Variants in WAPL observed in about 807,000 individuals in gnomAD.
The protein encoded by WAPL is WAPL cohesin release factor.
Under a neutral mutation model 121.0 loss-of-function variants are expected in WAPL, and 5 were observed. That is an observed-to-expected ratio of 0.04 (90% CI 0.02 to 0.09). The LOEUF is 0.09. Among genes scored for constraint, WAPL ranks in the 10% least tolerant of loss-of-function variants. The pLI is 1.00. For missense variants in WAPL, 999 were observed against 1,410.8 expected (o/e 0.71, Z 4.68); for synonymous variants, 480 against 481.5 (o/e 1.00, Z 0.04).
At chr10:86,478,698 G>C (rs182365175) in intron 4 of WAPL, among the ~76,000 whole-genome samples, 302 of 152,238 alleles carry the variant, frequency 2.0e-3, no homozygotes, top group African/African-American at 5.8e-3. Flanking sequence ...TTCTTCATGA[G>C]AGATAATATA....
chr10:86,467,545 T>G lies in WAPL; in HGVS notation c.2143-39A>C, dbSNP rs753159792. On this transcript the variant is annotated intron_variant, in intron 8 of 18. Transcript: ENST00000298767. ...AAAAAAGAAAAGAAAAAAAACTTCA[T>G]GTAAGCAACTCCTGACATCTCAGGA... The G allele has an allele frequency of 1.0e-5, 15 of 1,456,058 alleles. No individual in the cohort carries two copies. In the East Asian group the frequency reaches 3.4e-4, roughly 33 times the overall value. The allele number at this position is 1,456,058 out of a possible 1,614,324, so 90.2% of individuals were successfully genotyped here.
intron 17 of WAPL, among the ~76,000 whole-genome samples, chr10:86,439,066 C>A (rs1384962751): frequency 6.6e-6 from 1 of 152,058 alleles, no homozygotes; most frequent in Non-Finnish European, 1.5e-5. Flanking sequence ...ACAAAACCAA[C>A]CAAAAAACAA....
chr10:86,445,491 A>G (rs563068846), intron 16 of WAPL, among the ~76,000 whole-genome samples: 1 of 152,082 alleles, frequency 6.6e-6, no homozygotes, highest in Non-Finnish European at 1.5e-5. Context: ...TAGATACTCA[A>G]TAATGTATGA....
At chr10:86,482,033 T>C (rs185211499) in intron 4 of WAPL, among the ~76,000 whole-genome samples, 2 of 152,260 alleles carry the variant, frequency 1.3e-5, no homozygotes, top group Admixed American at 6.5e-5. Flanking sequence ...TTTGTGAACA[T>C]ATTATTTGAC....
intron 7 of WAPL, among the ~76,000 whole-genome samples, chr10:86,471,673 G>A (rs1399989851): frequency 6.6e-6 from 1 of 151,524 alleles, no homozygotes; most frequent in African/African-American, 2.4e-5. Flanking sequence ...CTTGTTTTTG[G>A]AGACAGGGCC....
chr10:86,467,572 A>T, intron 8 of WAPL, 66 bp from the exon 9 acceptor site: 1 of 1,162,058 alleles, frequency 8.6e-7, no homozygotes, highest in Non-Finnish European at 1.2e-6. Context: ...ATCTCAGGAA[A>T]TAAGACTATT....
chr10:86,481,822 G>A (rs1221922916), intron 4 of WAPL, among the ~76,000 whole-genome samples: 2 of 151,638 alleles, frequency 1.3e-5, no homozygotes, highest in South Asian at 2.1e-4. Context: ...TTTTTATATA[G>A]TTTTGACTTT....
chr10:86,453,114 A>C (rs998931947), intron 14 of WAPL, 106 bp downstream of exon 14: 68 of 602,084 alleles, frequency 1.1e-4, no homozygotes, highest in East Asian at 3.2e-4. Flanking sequence ...ATGAAAAAAA[A>C]CCCACAATAT....
intron 9 of WAPL, among the ~76,000 whole-genome samples, chr10:86,465,341 G>C (rs1841373788): frequency 6.6e-6 from 1 of 152,124 alleles, no homozygotes; most frequent in African/African-American, 2.4e-5. Flanking sequence ...AAGTAGCTGG[G>C]AATACAGGCA....
chr10:86,469,082 C>T (rs1302691372), intron 8 of WAPL, among the ~76,000 whole-genome samples: 2 of 151,330 alleles, frequency 1.3e-5, no homozygotes, highest in African/African-American at 4.9e-5. Context: ...CCAGCCTGGG[C>T]GACAGAGCAA....
At chr10:86,491,783 T>G (rs1391364071) in intron 4 of WAPL, among the ~76,000 whole-genome samples, 1 of 152,082 alleles carries the variant, frequency 6.6e-6, no homozygotes, top group Non-Finnish European at 1.5e-5. Context: ...TAAATAGTAT[T>G]TATTTTTATT....
intron 2 of WAPL, among the ~76,000 whole-genome samples, chr10:86,508,684 C>T (rs1842396662): frequency 6.6e-6 from 1 of 151,922 alleles, no homozygotes; most frequent in African/African-American, 2.4e-5. Context: ...TTCCCTTAAG[C>T]TGCTCTAGCT....
intron 3 of WAPL, among the ~76,000 whole-genome samples, chr10:86,498,831 C>A (rs546409875): frequency 6.6e-6 from 1 of 152,190 alleles, no homozygotes; most frequent in African/African-American, 2.4e-5. Context: ...TTAGTCACTA[C>A]TGAGTCTACA....
chr10:86,452,270 G>T, intron 14 of WAPL, 139 bp from the exon 15 acceptor site: 4 of 649,476 alleles, frequency 6.2e-6, no homozygotes, highest in Admixed American at 3.4e-5. Flanking sequence ...AAACCAGTAT[G>T]AAAGGCCAAA....
intron 2 of WAPL, among the ~76,000 whole-genome samples, chr10:86,513,723 G>A (rs991426831): frequency 4.6e-5 from 7 of 152,110 alleles, no homozygotes; most frequent in South Asian, 2.1e-4. Flanking sequence ...ACTTAAAAAC[G>A]TAATGCCAGG....
At chr10:86,493,136 A>T (rs1352940372) in intron 4 of WAPL, among the ~76,000 whole-genome samples, 1 of 152,070 alleles carries the variant, frequency 6.6e-6, no homozygotes, top group Non-Finnish European at 1.5e-5. Flanking sequence ...AGAGAGACAT[A>T]ACTAAATGAT....
intron 17 of WAPL, among the ~76,000 whole-genome samples, chr10:86,440,982 T>C (rs938014556): frequency 2.0e-5 from 3 of 151,930 alleles, no homozygotes; most frequent in Admixed American, 2.0e-4. Context: ...CATGAGTTCC[T>C]GCTCAAATAA....
chr10:86,491,059 T>C (rs908124132), intron 4 of WAPL, among the ~76,000 whole-genome samples: 1 of 150,670 alleles, frequency 6.6e-6, no homozygotes, highest in Non-Finnish European at 1.5e-5. Flanking sequence ...CAAGACTCTG[T>C]CTTAAATAAA....
Position 86,452,166 on chromosome 10 carries a change from A to G in WAPL, c.2950-35T>C, listed in dbSNP as rs998482209. ...GTTTAAAAGACACATATTATCAGAG[A>G]TGAGTACTTAAAACAAATGAACACA... On this transcript the variant is annotated intron_variant, in intron 14 of 18. Transcript: ENST00000298767. 6 of 1,596,138 alleles carry G rather than the reference A, an allele frequency of 3.8e-6. No homozygotes were observed. In the African/African-American group the frequency reaches 5.4e-5, roughly 14 times the overall value.
Sources: allele counts gnomAD v4.1 joint callset (sites outside exome capture counted in the v4.1 genomes callset), GRCh38; gene constraint gnomAD v4.1.1; transcripts MANE v1.5; gene names NCBI Gene and HGNC (gene_info 2026-07-23, HGNC 2026-07-21).